The following USP22 variants were observed in gnomAD, a reference collection of about 807,000 sequenced individuals.
The protein encoded by USP22 is ubiquitin carboxyl-terminal hydrolase 22.
Under a neutral mutation model 68.1 loss-of-function variants are expected in USP22, and 22 were observed. The observed-to-expected ratio is 0.32, with a 90% CI of 0.23 to 0.46. USP22 has a LOEUF of 0.46. USP22 is among the 20% of genes least tolerant of loss of function. The pLI is 1.00. For synonymous variants in USP22, 279 were observed against 274.2 expected, an observed-to-expected ratio of 1.02 and a Z score of -0.17; for missense variants, 433 against 695.8, an observed-to-expected ratio of 0.62 and a Z score of 4.25.
chr17:21,011,680 T>C (rs754656907), intron 7 of USP22: 21 of 238,660 alleles, frequency 8.8e-5, no homozygotes, highest in Middle Eastern at 1.5e-3. Flanking sequence ...CCTGTGACCC[T>C]AGGCAACACT....
chr17:21,011,796 T>C (rs1418906426), intron 7 of USP22, among the ~76,000 whole-genome samples: 3 of 152,208 alleles, frequency 2.0e-5, no homozygotes, highest in Non-Finnish European at 4.4e-5. Context: ...TAGAAATTTA[T>C]TTAACAATAT....
At chr17:21,041,908 C>A (rs1416850539) in intron 1 of USP22, among the ~76,000 whole-genome samples, 1 of 152,222 alleles carries the variant, frequency 6.6e-6, no homozygotes, top group Admixed American at 6.5e-5. Context: ...CAAGTCTACT[C>A]CTCAGCCGCA....
At chr17:21,013,902 G>A (rs914987830) in intron 6 of USP22, among the ~76,000 whole-genome samples, 12 of 152,140 alleles carry the variant, frequency 7.9e-5, no homozygotes, top group South Asian at 2.1e-4. Flanking sequence ...GTGAAACCCC[G>A]TCTCTACTAA....
chr17:21,000,785 A>T lies in USP22; in HGVS notation c.*2246T>A, dbSNP rs951688982. The stretch of plus-strand genomic sequence containing the variant: ...CTAATTAAAAGACCACTCATAGGCC[A>T]GGTGCGGTGGCTCACGCCTATAATC... On this transcript the variant is annotated 3_prime_UTR_variant, in exon 13 of 13. Transcript: ENST00000261497. The T allele has an allele frequency of 6.6e-6, 1 of 152,306 alleles. No homozygotes were observed. The highest frequency in any genetic ancestry group is 1.5e-5 in the Non-Finnish European group (1 of 68,110). The allele number at this position is 152,306 out of a possible 1,614,324, so 9.4% of individuals were successfully genotyped here. A position where few individuals can be genotyped will look rare whatever the true frequency, so the allele number is the denominator to read the frequency against.
intron 12 of USP22, among the ~76,000 whole-genome samples, chr17:21,003,744 T>C (rs577426802): frequency 1.1e-4 from 17 of 152,014 alleles, no homozygotes; most frequent in African/African-American, 4.1e-4. Flanking sequence ...TCTACTAAAA[T>C]ACAAAAGTAG....
intron 8 of USP22, among the ~76,000 whole-genome samples, chr17:21,008,948 G>A (rs939211770): frequency 2.0e-5 from 3 of 151,950 alleles, no homozygotes; most frequent in African/African-American, 7.3e-5. Flanking sequence ...AAAATTAGCC[G>A]GGCGAGGTGG....
intron 12 of USP22, 55 bp from the exon 13 acceptor site, chr17:21,003,128 A>C: frequency 6.2e-7 from 1 of 1,600,156 alleles, no homozygotes; most frequent in South Asian, 1.1e-5. Flanking sequence ...GACAGGAGCC[A>C]GAACAACCCA....
chr17:21,029,249 T>C (rs969607438), intron 1 of USP22, among the ~76,000 whole-genome samples: 3 of 151,782 alleles, frequency 2.0e-5, no homozygotes, highest in East Asian at 1.9e-4. Flanking sequence ...CACCCAGGAG[T>C]GCCACTGACT....
intron 1 of USP22, chr17:21,042,142 T>C (rs1972441753): frequency 6.6e-6 from 1 of 152,402 alleles, no homozygotes; most frequent in East Asian, 1.9e-4. Context: ...CCTTTACTCA[T>C]TTTTTTGAAA....
intron 1 of USP22, among the ~76,000 whole-genome samples, chr17:21,035,259 T>A (rs1972339244): frequency 6.6e-6 from 1 of 152,186 alleles, no homozygotes; most frequent in East Asian, 1.9e-4. Context: ...TGCTAACATA[T>A]AATAATAAAA....
At chr17:21,012,682 A>G in intron 7 of USP22, 148 bp downstream of exon 7, 2 of 713,608 alleles carry the variant, frequency 2.8e-6, no homozygotes, top group Non-Finnish European at 4.5e-6. Flanking sequence ...CCCCCACCCC[A>G]CAACCTTCGC....
At chr17:21,030,231 TTATAA>T (rs375377265) in intron 1 of USP22, among the ~76,000 whole-genome samples, 58 of 152,266 alleles carry the variant, frequency 3.8e-4, no homozygotes, top group African/African-American at 1.3e-3. Context: ...CAAACAGTGG[TTATAA>T]TATATTGTTT....
At chr17:21,018,317 T>TC (rs1380683290) in intron 4 of USP22, 16 of 477,754 alleles carry the variant, frequency 3.3e-5, no homozygotes, top group Non-Finnish European at 5.5e-5. Context: ...CATGGACCCC[T>TC]CCCACTTCAG....
chr17:21,023,235 G>A (rs1462780249), intron 2 of USP22, among the ~76,000 whole-genome samples: 6 of 152,016 alleles, frequency 3.9e-5, no homozygotes, highest in Non-Finnish European at 7.4e-5. Flanking sequence ...AAATTGTCAG[G>A]TACTACAGTA....
At chr17:21,013,245 G>C (rs1218360774) in intron 6 of USP22, among the ~76,000 whole-genome samples, 2 of 152,186 alleles carry the variant, frequency 1.3e-5, no homozygotes, top group Non-Finnish European at 2.9e-5. Flanking sequence ...ATCATATAAA[G>C]AATGACTGAA....
intron 12 of USP22, among the ~76,000 whole-genome samples, chr17:21,003,900 C>CAAAAA (rs545524182): frequency 1.8e-5 from 2 of 113,882 alleles, no homozygotes; most frequent in African/African-American, 3.8e-5. Context: ...AACTCCGTCT[C>CAAAAA]AAAAAAAAAA....
intron 1 of USP22, among the ~76,000 whole-genome samples, chr17:21,030,386 GTA>G (rs1257757285): frequency 3.4e-4 from 50 of 148,934 alleles, no homozygotes; most frequent in African/African-American, 1.2e-3. Context: ...GTGTGTGTGT[GTA>G]TGTATGTATG....
chr17:21,029,927 G>C (rs560965724), intron 1 of USP22, among the ~76,000 whole-genome samples: 15 of 152,332 alleles, frequency 9.8e-5, no homozygotes, highest in African/African-American at 3.1e-4. Context: ...TTTGATACAG[G>C]TAAGGCAGTG....
Position 21,007,917 on chromosome 17 carries a change from G to A in USP22, c.1183C>T (p.Gln395Ter). ...GCHSYQESTK[Q>*]LTMKKLPIVA... Reference sequence around the variant, plus strand: ...ATGGGCAGTTTCTTCATAGTGAGCTGCTTTGTGGACTCCTGGTAGCTATGG... The same window carrying A: ...ATGGGCAGTTTCTTCATAGTGAGCTACTTTGTGGACTCCTGGTAGCTATGG... Residue 395 changes from glutamine to a stop codon, truncating the protein, a stop_gained, in exon 9 of 13, where the codon CAG (glutamine) becomes TAG (stop). Coordinates refer to ENST00000261497, the MANE Select transcript of USP22 (RefSeq NM_015276.2). LOFTEE classifies it high-confidence loss of function. The A allele has an allele frequency of 6.2e-7, 1 of 1,614,164 alleles. No homozygotes were observed. Among genetic ancestry groups the A allele is most frequent in the Non-Finnish European group, 8.5e-7 (1 of 1,180,042 alleles).
Sources: allele counts gnomAD v4.1 joint callset (sites outside exome capture counted in the v4.1 genomes callset), GRCh38; gene constraint gnomAD v4.1.1; transcripts MANE v1.5; gene names NCBI Gene and HGNC (gene_info 2026-07-23, HGNC 2026-07-21).